The following CACNG5 variants were observed in gnomAD, a reference collection of about 807,000 sequenced individuals.
CACNG5 encodes the protein voltage-dependent calcium channel gamma-5 subunit.
In CACNG5, 18 loss-of-function variants were observed where a neutral mutation model predicts 24.8. That is an observed-to-expected ratio of 0.73 (90% confidence interval 0.50 to 1.08). The LOEUF (loss-of-function observed/expected upper bound fraction) is 1.08, where lower values mean the gene tolerates loss of function less well. Among genes scored for constraint, CACNG5 ranks in the 50% least tolerant of loss-of-function variants. The pLI is 0.00. For synonymous variants in CACNG5, 157 were observed against 149.1 expected, an observed-to-expected ratio of 1.05 and a Z score of -0.39; for missense variants, 349 against 367.9, an observed-to-expected ratio of 0.95 and a Z score of 0.42.
At chr17:66,877,107 G>A in intron 1 of CACNG5, 123 bp from the exon 2 acceptor site, 1 of 520,660 alleles carries the variant, frequency 1.9e-6, no homozygotes, top group Non-Finnish European at 3.4e-6. Flanking sequence ...GGGGTTAGGG[G>A]GAGGGTGGCA....
At position 66,886,922 on chromosome 17, in the gene CACNG5, C is replaced by G. The variant is rs992924831; in HGVS notation, c.*1682C>G. 6.6e-6 allele frequency among the ~76,000 whole-genome samples: 1 copy of G among 152,154 alleles called. No individual in the cohort carries two copies. The highest frequency in any genetic ancestry group is 6.5e-5 in the Admixed American group (1 of 15,276). On this transcript the variant is annotated 3_prime_UTR_variant, in exon 6 of 6. Coordinates refer to ENST00000533854, the MANE Select transcript of CACNG5 (RefSeq NM_145811.3). Reference sequence around the variant, plus strand: ...CTGTGTCCTCATGTGGTCTGTGTGCCCGTGTCCCTGGTGTCCCTCAGTGTG... The same window carrying G: ...CTGTGTCCTCATGTGGTCTGTGTGCGCGTGTCCCTGGTGTCCCTCAGTGTG...
Position 66,892,273 on chromosome 17 carries a change from C to T in CACNG5, c.*7033C>T, listed in dbSNP as rs938163978. Among the ~76,000 whole-genome samples the T allele has an allele frequency of 1.3e-5, 2 of 152,162 alleles. No individual in the cohort carries two copies. Among genetic ancestry groups the T allele is most frequent in the Non-Finnish European group, 2.9e-5 (2 of 68,030 alleles). Reference sequence around the variant, plus strand: ...CCAAATTCATGGGCTCATGCCCAGCCCTTCTGCCTCTGAGCCCTTTCCCCA... The same window carrying T: ...CCAAATTCATGGGCTCATGCCCAGCTCTTCTGCCTCTGAGCCCTTTCCCCA... On this transcript the variant is annotated 3_prime_UTR_variant, in exon 6 of 6. Transcript: ENST00000533854.
chr17:66,877,131 G>A (rs1188322541), intron 1 of CACNG5, 99 bp from the exon 2 acceptor site: 2 of 560,320 alleles, frequency 3.6e-6, no homozygotes, highest in Non-Finnish European at 6.4e-6. Context: ...CTGTTGCAGT[G>A]ACCTGGTGTC....
chr17:66,845,920 A>T (rs1420882728), intron 1 of CACNG5, among the ~76,000 whole-genome samples: 1 of 152,180 alleles, frequency 6.6e-6, no homozygotes, highest in African/African-American at 2.4e-5. Flanking sequence ...CACAATGTGC[A>T]GTTGTAAGAC....
intron 4 of CACNG5, among the ~76,000 whole-genome samples, chr17:66,881,335 G>A (rs917438602): frequency 2.6e-5 from 4 of 152,100 alleles, no homozygotes; most frequent in African/African-American, 9.7e-5. Flanking sequence ...TATTTTTGAA[G>A]GGGCTATGTC....
chr17:66,859,838 C>T (rs1341879490), intron 1 of CACNG5, among the ~76,000 whole-genome samples: 4 of 152,040 alleles, frequency 2.6e-5, no homozygotes, highest in Non-Finnish European at 4.4e-5. Flanking sequence ...TCCTTCTCCT[C>T]CCCCTTCCCC....
At chr17:66,840,238 C>T (rs952035136) in intron 1 of CACNG5, among the ~76,000 whole-genome samples, 2 of 152,224 alleles carry the variant, frequency 1.3e-5, no homozygotes, top group African/African-American at 4.8e-5. Context: ...CGGGCATGTG[C>T]TCTGGACTTG....
At chr17:66,872,188 A>G (rs1221177227) in intron 1 of CACNG5, among the ~76,000 whole-genome samples, 2 of 152,212 alleles carry the variant, frequency 1.3e-5, no homozygotes, top group Admixed American at 6.5e-5. Context: ...AATTTTGTAT[A>G]CGGTTGAGTT....
rs1371959068 is a variant in CACNG5 at position 66,885,732 on chromosome 17, G to A, written c.*492G>A. Among the ~76,000 whole-genome samples the A allele has an allele frequency of 6.6e-6, 1 of 152,226 alleles. No individual in the cohort carries two copies. The highest frequency in any genetic ancestry group is 1.5e-5 in the Non-Finnish European group (1 of 68,034). ...AAGGTGACTCTGATATAGAGGTCTGGCTGACTTAGACATGTCAAGCTGTCA... is the reference window on the plus strand; with the variant it reads ...AAGGTGACTCTGATATAGAGGTCTGACTGACTTAGACATGTCAAGCTGTCA... On this transcript the variant is annotated 3_prime_UTR_variant, in exon 6 of 6. Coordinates refer to ENST00000533854, the MANE Select transcript of CACNG5 (RefSeq NM_145811.3).
chr17:66,885,584 A>C lies in CACNG5; in HGVS notation c.*344A>C. On this transcript the variant is annotated 3_prime_UTR_variant, in exon 6 of 6. Transcript: ENST00000533854. ...TTGTATATTCTTCCTGCACCCCCCAACTTCATGGCCCTGGGCCAGGGCCAG... is the reference window on the plus strand; with the variant it reads ...TTGTATATTCTTCCTGCACCCCCCACCTTCATGGCCCTGGGCCAGGGCCAG... 5.1e-5 allele frequency: 12 copies of C among 236,272 alleles called. No homozygotes were observed. Among genetic ancestry groups the C allele is most frequent in the South Asian group, 1.1e-4 (1 of 9,038 alleles). The allele number at this position is 236,272 out of a possible 1,614,324, so 14.6% of individuals were successfully genotyped here.
chr17:66,846,090 C>T (rs958440637), intron 1 of CACNG5, among the ~76,000 whole-genome samples: 11 of 152,198 alleles, frequency 7.2e-5, no homozygotes, highest in Admixed American at 2.0e-4. Flanking sequence ...AAGCACTTCA[C>T]TTCCAGTCTC....
rs138305246 is a variant in CACNG5, at chr17:66,869,240, C to T, written c.-103-7990C>T. ...CTGGGATTACAGGTGTGTGCCATCA[C>T]GCCAGGCTAATTTTTGTATTTTTAA... On this transcript the variant is annotated intron_variant, in intron 1 of 5. Coordinates refer to ENST00000533854, the MANE Select transcript of CACNG5 (RefSeq NM_145811.3). Among the ~76,000 whole-genome samples the T allele has an allele frequency of 2.5e-3, 374 of 152,150 alleles. 3 individuals are homozygous for T. Among genetic ancestry groups the T allele is most frequent in the African/African-American group, 8.6e-3 (358 of 41,508 alleles).
intron 1 of CACNG5, among the ~76,000 whole-genome samples, chr17:66,840,555 G>T (rs1401840700): frequency 6.6e-6 from 1 of 152,180 alleles, no homozygotes; most frequent in Non-Finnish European, 1.5e-5. Flanking sequence ...AATCCAGAGA[G>T]CCTCAATGAA....
chr17:66,854,085 A>G (rs1193073292), intron 1 of CACNG5, among the ~76,000 whole-genome samples: 1 of 152,196 alleles, frequency 6.6e-6, no homozygotes, highest in Non-Finnish European at 1.5e-5. Context: ...ATAATAGTAC[A>G]ATACATTTAA....
chr17:66,869,519 G>T (rs1976973778), intron 1 of CACNG5, among the ~76,000 whole-genome samples: 1 of 152,160 alleles, frequency 6.6e-6, no homozygotes, highest in Non-Finnish European at 1.5e-5. Flanking sequence ...AGAGACTGAG[G>T]TTCAGAGTGG....
intron 1 of CACNG5, among the ~76,000 whole-genome samples, chr17:66,839,116 C>T (rs1303596636): frequency 6.6e-6 from 1 of 151,838 alleles, no homozygotes; most frequent in Non-Finnish European, 1.5e-5. Flanking sequence ...CATGTGTCAC[C>T]ACGCCCAGCT....
chr17:66,841,989 G>C (rs1976575686), intron 1 of CACNG5, among the ~76,000 whole-genome samples: 1 of 152,196 alleles, frequency 6.6e-6, no homozygotes, highest in Non-Finnish European at 1.5e-5. Context: ...GCCAAGCAAG[G>C]AATCAGAGTA....
chr17:66,870,254 G>A (rs920918448), intron 1 of CACNG5, among the ~76,000 whole-genome samples: 8 of 152,250 alleles, frequency 5.3e-5, no homozygotes, highest in South Asian at 2.1e-4. Flanking sequence ...GCTGTTATCC[G>A]AAGGCTCGAC....
intron 1 of CACNG5, among the ~76,000 whole-genome samples, chr17:66,865,805 T>A (rs971534729): frequency 6.7e-6 from 1 of 150,052 alleles, no homozygotes; most frequent in African/African-American, 2.4e-5. Flanking sequence ...AATTTTTTTT[T>A]TTTTTTTTTG....
Sources: allele counts gnomAD v4.1 joint callset (sites outside exome capture counted in the v4.1 genomes callset), GRCh38; gene constraint gnomAD v4.1.1; transcripts MANE v1.5; gene names NCBI Gene and HGNC (gene_info 2026-07-23, HGNC 2026-07-21).